Variants in TMC1 observed in about 807,000 individuals in gnomAD.
The protein encoded by TMC1 is transmembrane channel like 1.
TMC1 carries 84 observed loss-of-function variants against 105.8 expected under a neutral mutation model. The observed-to-expected ratio is 0.79, with a 90% CI of 0.67 to 0.95. TMC1 has a LOEUF of 0.95. Among genes scored for constraint, TMC1 ranks in the 40% least tolerant of loss-of-function variants. TMC1 has a pLI of 0.00. For missense variants in TMC1, 817 were observed against 914.1 expected, an observed-to-expected ratio of 0.89 and a Z score of 1.37; for synonymous variants, 315 against 311.5, an observed-to-expected ratio of 1.01 and a Z score of -0.12.
At chr9:72,688,347 A>G (rs138026434) in intron 5 of TMC1, among the ~76,000 whole-genome samples, 110 of 152,270 alleles carry the variant, frequency 7.2e-4, no homozygotes, top group African/African-American at 2.5e-3. Flanking sequence ...CTTTATTAAC[A>G]ATTCAATTTC....
rs370977973 is a variant in TMC1, at chr9:72,589,035, G to T, written c.-306+11012G>T. 5.3e-5 allele frequency among the ~76,000 whole-genome samples: 8 copies of T among 152,310 alleles called. No homozygotes were observed. In the East Asian group the frequency reaches 7.7e-4, roughly 15 times the overall value. On this transcript the variant is annotated intron_variant, in intron 2 of 23. Coordinates refer to ENST00000297784, the MANE Select transcript of TMC1 (RefSeq NM_138691.3). The stretch of plus-strand genomic sequence containing the variant: ...TCCGCCTGCCTTGGCTTCCCAAAGT[G>T]CTGGGATTACAGGTGTGAGCCACCA...
chr9:72,765,906 T>G (rs999770120), intron 12 of TMC1, among the ~76,000 whole-genome samples: 12 of 152,186 alleles, frequency 7.9e-5, no homozygotes, highest in Admixed American at 3.3e-4. Context: ...ATGGAAGTAC[T>G]TTCTATAGAA....
At chr9:72,568,911 A>C (rs893796744) in intron 1 of TMC1, among the ~76,000 whole-genome samples, 1 of 152,226 alleles carries the variant, frequency 6.6e-6, no homozygotes, top group African/African-American at 2.4e-5. Flanking sequence ...ATTGAATAGT[A>C]AGACACGGAA....
chr9:72,731,344 G>C (rs376906295), intron 8 of TMC1, among the ~76,000 whole-genome samples: 2 of 152,174 alleles, frequency 1.3e-5, no homozygotes, highest in African/African-American at 4.8e-5. Context: ...CACTACCTAG[G>C]GGGTGGAGGA....
intron 2 of TMC1, among the ~76,000 whole-genome samples, chr9:72,585,678 G>A (rs534999100): frequency 2.8e-4 from 42 of 152,304 alleles, no homozygotes; most frequent in South Asian, 6.2e-4. Flanking sequence ...TATAATGTAC[G>A]GAGACTTCTC....
At chr9:72,727,351 T>G (rs1827140734) in intron 8 of TMC1, among the ~76,000 whole-genome samples, 1 of 152,174 alleles carries the variant, frequency 6.6e-6, no homozygotes, top group South Asian at 2.1e-4. Context: ...AATTCATATA[T>G]TTCCTTGATT....
chr9:72,565,706 C>A (rs1157172514), intron 1 of TMC1, among the ~76,000 whole-genome samples: 1 of 152,096 alleles, frequency 6.6e-6, no homozygotes, highest in Non-Finnish European at 1.5e-5. Flanking sequence ...CTGTGGAGGC[C>A]TCACAATCAT....
At chr9:72,547,259 C>T (rs542509038) in intron 1 of TMC1, among the ~76,000 whole-genome samples, 35 of 148,872 alleles carry the variant, frequency 2.4e-4, no homozygotes, top group African/African-American at 7.3e-4. Flanking sequence ...TGCACTCCAG[C>T]CTGGGCAACA....
intron 3 of TMC1, among the ~76,000 whole-genome samples, chr9:72,624,855 G>A (rs1341915750): frequency 6.6e-6 from 1 of 152,258 alleles, no homozygotes; most frequent in African/African-American, 2.4e-5. Flanking sequence ...GATGAGATGA[G>A]TGGGAAGTAG....
At chr9:72,582,296 G>A (rs1824488447) in intron 2 of TMC1, among the ~76,000 whole-genome samples, 1 of 152,208 alleles carries the variant, frequency 6.6e-6, no homozygotes, top group Non-Finnish European at 1.5e-5. Flanking sequence ...ATTTGTAAAT[G>A]TTGGCAAACA....
At chr9:72,826,789 G>T in intron 20 of TMC1, 80 bp from the exon 21 acceptor site, 2 of 1,481,360 alleles carry the variant, frequency 1.4e-6, no homozygotes, top group Non-Finnish European at 1.9e-6. Flanking sequence ...AATTGAGAAA[G>T]ATTTCCAGTT....
chr9:72,565,889 C>A (rs1237393277), intron 1 of TMC1, among the ~76,000 whole-genome samples: 1 of 152,174 alleles, frequency 6.6e-6, no homozygotes, highest in Non-Finnish European at 1.5e-5. Context: ...CACCAGCTCC[C>A]CTCAAGACAC....
At chr9:72,599,246 G>C (rs1430795798) in intron 2 of TMC1, among the ~76,000 whole-genome samples, 1 of 152,152 alleles carries the variant, frequency 6.6e-6, no homozygotes, top group Non-Finnish European at 1.5e-5. Flanking sequence ...GGCCAGGCCG[G>C]TCTCAAACTC....
chr9:72,820,859 C>A lies in TMC1; in HGVS notation c.1781C>A (p.Ala594Asp). Residue 594 changes from alanine to aspartate, a missense_variant, in exon 20 of 24, where the codon GCT becomes GAT. Coordinates refer to ENST00000297784, the MANE Select transcript of TMC1 (RefSeq NM_138691.3). ...CTTTCTAGGATGGGCTCCTTCTTTG[C>A]TCCCAGCCTCCCAGGCATCAATATC... ...QGMIWMGSFF[A>D]PSLPGINILR... The A allele has an allele frequency of 6.2e-7, 1 of 1,614,184 alleles. No individual in the cohort carries two copies. Among genetic ancestry groups the A allele is most frequent in the South Asian group, 1.1e-5 (1 of 91,082 alleles).
chr9:72,623,272 A>G (rs1416778730), intron 3 of TMC1, among the ~76,000 whole-genome samples: 4 of 149,708 alleles, frequency 2.7e-5, no homozygotes, highest in Non-Finnish European at 4.4e-5. Context: ...CAAGTCCTCT[A>G]TCAAAAAGTG....
At chr9:72,676,786 C>T (rs759994824) in intron 5 of TMC1, among the ~76,000 whole-genome samples, 2 of 152,118 alleles carry the variant, frequency 1.3e-5, no homozygotes, top group African/African-American at 4.8e-5. Flanking sequence ...TCAGGACAAA[C>T]TCTGTTCTCC....
chr9:72,575,021 C>T (rs1331244077), intron 1 of TMC1, among the ~76,000 whole-genome samples: 2 of 152,052 alleles, frequency 1.3e-5, no homozygotes, highest in Non-Finnish European at 2.9e-5. Context: ...TCGTGAGGCC[C>T]CAGTCCTTCT....
chr9:72,552,117 C>T (rs1474958960), intron 1 of TMC1, among the ~76,000 whole-genome samples: 1 of 152,148 alleles, frequency 6.6e-6, no homozygotes, highest in Non-Finnish European at 1.5e-5. Flanking sequence ...TGTCTTCTGC[C>T]AGAGGGATTT....
chr9:72,592,932 G>A (rs1824661489), intron 2 of TMC1, among the ~76,000 whole-genome samples: 1 of 152,130 alleles, frequency 6.6e-6, no homozygotes, highest in African/African-American at 2.4e-5. Context: ...CAGCAATAGC[G>A]CCATCTGCTG....
Sources: allele counts gnomAD v4.1 joint callset (sites outside exome capture counted in the v4.1 genomes callset), GRCh38; gene constraint gnomAD v4.1.1; transcripts MANE v1.5; gene names NCBI Gene and HGNC (gene_info 2026-07-23, HGNC 2026-07-21).